The following FHOD3 variants were observed in gnomAD, a reference collection of about 807,000 sequenced individuals.
The protein encoded by FHOD3 is FH1/FH2 domain-containing protein 3.
FHOD3 carries 90 observed loss-of-function variants against 173.0 expected under a neutral mutation model. The observed-to-expected ratio is 0.52, with a 90% CI of 0.44 to 0.62. FHOD3 has a LOEUF of 0.62. Among genes scored for constraint, FHOD3 ranks in the 20% least tolerant of loss-of-function variants. The pLI is 0.00. For missense variants in FHOD3, 1,945 were observed against 2,034.7 expected, an observed-to-expected ratio of 0.96 and a Z score of 0.85; for synonymous variants, 828 against 823.0, an observed-to-expected ratio of 1.01 and a Z score of -0.10.
intron 10 of FHOD3, among the ~76,000 whole-genome samples, chr18:36,629,839 C>T (rs1030653222): frequency 1.3e-5 from 2 of 151,962 alleles, no homozygotes; most frequent in African/African-American, 2.4e-5. Context: ...GTGGTCCCTT[C>T]GGGCAGTGGT....
intron 17 of FHOD3, among the ~76,000 whole-genome samples, chr18:36,696,949 C>T (rs1378043662): frequency 1.3e-5 from 2 of 152,188 alleles, no homozygotes; most frequent in Admixed American, 1.3e-4. Context: ...ATCAGAATAT[C>T]TACTTAGTAA....
At chr18:36,356,600 C>T (rs2145784527) in intron 2 of FHOD3, among the ~76,000 whole-genome samples, 1 of 152,016 alleles carries the variant, frequency 6.6e-6, no homozygotes, top group African/African-American at 2.4e-5. Context: ...GCTGGGACTA[C>T]AGACATGTGC....
At chr18:36,324,732 C>T (rs906369878) in intron 1 of FHOD3, among the ~76,000 whole-genome samples, 6 of 152,132 alleles carry the variant, frequency 3.9e-5, no homozygotes, top group Non-Finnish European at 5.9e-5. Context: ...GGAAAAGCTG[C>T]GGAACAAAAA....
chr18:36,760,802 G>T lies in FHOD3; in HGVS notation c.4624+20G>T, dbSNP rs2042839581. ...GCCGAGGTAACTCCTGGCTGCGCGGGGCTCGTCTTGTCTTCTCAGGTTGGC... is the reference window on the plus strand; with the variant it reads ...GCCGAGGTAACTCCTGGCTGCGCGGTGCTCGTCTTGTCTTCTCAGGTTGGC... On this transcript the variant is annotated intron_variant, in intron 27 of 28. Coordinates refer to ENST00000590592, the MANE Select transcript of FHOD3 (RefSeq NM_001281740.3). 10 of 1,593,592 alleles carry T rather than the reference G, an allele frequency of 6.3e-6. No individual in the cohort carries two copies. The highest frequency in any genetic ancestry group is 8.5e-6 in the Non-Finnish European group (10 of 1,170,990).
At chr18:36,757,347 AC>A (rs1373468725) in intron 25 of FHOD3, among the ~76,000 whole-genome samples, 1 of 152,158 alleles carries the variant, frequency 6.6e-6, no homozygotes, top group African/African-American at 2.4e-5. Flanking sequence ...CTTAAGGAAA[AC>A]TACAGCCTTG....
chr18:36,440,841 C>A (rs2051102799), intron 3 of FHOD3, among the ~76,000 whole-genome samples: 1 of 152,176 alleles, frequency 6.6e-6, no homozygotes, highest in African/African-American at 2.4e-5. Flanking sequence ...TCCTCTGAGG[C>A]TGGGCACTTG....
chr18:36,488,073 C>CT (rs1555725602), intron 3 of FHOD3, among the ~76,000 whole-genome samples: 2 of 152,148 alleles, frequency 1.3e-5, no homozygotes, highest in Non-Finnish European at 2.9e-5. Context: ...AATATCCATT[C>CT]TTTTTTCTGA....
intron 25 of FHOD3, 86 bp downstream of exon 25, chr18:36,755,397 CTTTTTTTTTTTTTTTT>C (rs200164880): frequency 5.6e-5 from 12 of 212,608 alleles, no homozygotes; most frequent in South Asian, 1.8e-4. Flanking sequence ...AAAAGCTGTG[CTTTTTTTTTTTTTTTT>C]TTTTTTTTTT....
intron 1 of FHOD3, among the ~76,000 whole-genome samples, chr18:36,332,250 C>G (rs2045054935): frequency 6.6e-6 from 1 of 152,230 alleles, no homozygotes; most frequent in African/African-American, 2.4e-5. Context: ...CCTGCAGCAG[C>G]TGTGGCCCCA....
rs959347607 is a variant in FHOD3, at chr18:36,649,802, C to T, written c.1286+397C>T. Among the ~76,000 whole-genome samples, 4 of 152,286 alleles carry T rather than the reference C, an allele frequency of 2.6e-5. No individual in the cohort carries two copies. The South Asian group carries it at 8.3e-4, about 32-fold the overall frequency. On this transcript the variant is annotated intron_variant, in intron 11 of 28. Transcript: ENST00000590592. ...ATATGTTCCTTTCTTCCTGATTTTACCAGCACAATATTAGCTAAAATGTGT... is the reference window on the plus strand; with the variant it reads ...ATATGTTCCTTTCTTCCTGATTTTATCAGCACAATATTAGCTAAAATGTGT...
At chr18:36,600,636 T>C (rs192127387) in intron 7 of FHOD3, among the ~76,000 whole-genome samples, 1 of 152,044 alleles carries the variant, frequency 6.6e-6, no homozygotes, top group African/African-American at 2.4e-5. Context: ...ATTAAGCCAG[T>C]GTTTGAGTGT....
intron 3 of FHOD3, among the ~76,000 whole-genome samples, chr18:36,402,424 T>A (rs567943162): frequency 5.3e-5 from 8 of 152,166 alleles, no homozygotes; most frequent in African/African-American, 1.9e-4. Flanking sequence ...GAAATACATA[T>A]TATATATTTT....
intron 3 of FHOD3, among the ~76,000 whole-genome samples, chr18:36,401,536 G>A (rs1317269443): frequency 1.3e-5 from 2 of 152,192 alleles, no homozygotes; most frequent in African/African-American, 4.8e-5. Context: ...TCTTCAGAGA[G>A]CACTAGACCA....
intron 10 of FHOD3, among the ~76,000 whole-genome samples, chr18:36,648,650 G>A (rs2035846033): frequency 6.6e-6 from 1 of 152,094 alleles, no homozygotes; most frequent in Non-Finnish European, 1.5e-5. Context: ...CTTATAGTGA[G>A]TCATCCCTGA....
intron 27 of FHOD3, 116 bp downstream of exon 27, chr18:36,760,898 C>A: frequency 2.8e-6 from 3 of 1,068,306 alleles, no homozygotes; most frequent in Non-Finnish European, 3.9e-6. Flanking sequence ...GCTCCAGTGC[C>A]AACCTAACCA....
Position 36,748,382 on chromosome 18 carries a change from A to AC in FHOD3, c.4232+1247_4232+1248insC, listed in dbSNP as rs1555836081. ...CGCACGCGCACACACACACACACAC[A>AC]ACACACACACACACACACACACACA... On this transcript the variant is annotated intron_variant, in intron 24 of 28. Coordinates refer to ENST00000590592, the MANE Select transcript of FHOD3 (RefSeq NM_001281740.3). Among the ~76,000 whole-genome samples, 454 of 143,560 alleles carry AC rather than the reference A, an allele frequency of 3.2e-3. 1 individual carries two copies. The highest frequency in any genetic ancestry group is 0.011 in the African/African-American group (425 of 38,610). 94.2% of individuals were successfully genotyped at this position (143,560 alleles called of 152,430 possible).
At chr18:36,633,271 A>G (rs1411645609) in intron 10 of FHOD3, among the ~76,000 whole-genome samples, 1 of 152,194 alleles carries the variant, frequency 6.6e-6, no homozygotes, top group Non-Finnish European at 1.5e-5. Context: ...GCTGCTGATC[A>G]CTAGCTTTAT....
intron 5 of FHOD3, among the ~76,000 whole-genome samples, chr18:36,529,979 C>G (rs1057062652): frequency 4.6e-5 from 7 of 151,216 alleles, no homozygotes; most frequent in African/African-American, 1.7e-4. Flanking sequence ...TGTTGAAAAC[C>G]TTGCTTGAGA....
At chr18:36,544,107 A>T in intron 5 of FHOD3, among the ~76,000 whole-genome samples, 1 of 152,058 alleles carries the variant, frequency 6.6e-6, no homozygotes, top group East Asian at 1.9e-4. Flanking sequence ...CTCCCTGGAG[A>T]GGTGGCTGAG....
Sources: allele counts gnomAD v4.1 joint callset (sites outside exome capture counted in the v4.1 genomes callset), GRCh38; gene constraint gnomAD v4.1.1; transcripts MANE v1.5; gene names NCBI Gene and HGNC (gene_info 2026-07-23, HGNC 2026-07-21).